SPEF2: variants seen among roughly 807,000 people sequenced by gnomAD.
SPEF2 encodes sperm flagellar and cilia associated 2, also known as sperm flagella and cilia-associated protein 2.
Under a neutral mutation model 224.6 loss-of-function variants are expected in SPEF2, and 187 were observed. That is an observed-to-expected ratio of 0.83 (90% CI 0.74 to 0.94). SPEF2 has a LOEUF of 0.94. SPEF2 is among the 40% of genes least tolerant of loss of function. The pLI, the probability that SPEF2 is intolerant of heterozygous loss-of-function variation, is 0.00. For missense variants in SPEF2, 2,170 were observed against 2,135.6 expected (o/e 1.02, Z -0.32); for synonymous variants, 715 against 707.3 (o/e 1.01, Z -0.17).
chr5:35,712,725 G>A, intron 19 of SPEF2, 87 bp from the exon 20 acceptor site: 1 of 1,313,920 alleles, frequency 7.6e-7, no homozygotes, highest in South Asian at 1.3e-5. Context: ...TTTACCTATG[G>A]GAAATAGCAT....
intron 30 of SPEF2, chr5:35,789,393 T>C: frequency 1.4e-6 from 1 of 702,400 alleles, no homozygotes; most frequent in Non-Finnish European, 2.6e-6. Flanking sequence ...GTTGGGATGA[T>C]CTGAGGTCTG....
At chr5:35,780,114 C>T in intron 30 of SPEF2, among the ~76,000 whole-genome samples, 1 of 152,156 alleles carries the variant, frequency 6.6e-6, no homozygotes, top group East Asian at 1.9e-4. Flanking sequence ...CTCTGCAGAT[C>T]CAAAGTTCTT....
chr5:35,631,937 C>T (rs1298425638), intron 2 of SPEF2, among the ~76,000 whole-genome samples: 4 of 152,132 alleles, frequency 2.6e-5, no homozygotes, highest in African/African-American at 7.2e-5. Context: ...AGATTATATG[C>T]AAATACTATA....
chr5:35,707,816 T>G (rs1385923795), intron 18 of SPEF2, among the ~76,000 whole-genome samples: 5 of 152,178 alleles, frequency 3.3e-5, no homozygotes, highest in African/African-American at 1.2e-4. Flanking sequence ...CTCCCTGGCT[T>G]GCTTCATGTC....
chr5:35,671,187 T>A (rs1257468864), intron 10 of SPEF2: 1 of 985,136 alleles, frequency 1.0e-6, no homozygotes, highest in Non-Finnish European at 1.2e-6. Flanking sequence ...TAGTACATAC[T>A]CAACAAAGGT....
At chr5:35,672,785 T>C (rs1268095913) in intron 10 of SPEF2, among the ~76,000 whole-genome samples, 1 of 152,190 alleles carries the variant, frequency 6.6e-6, no homozygotes, top group Non-Finnish European at 1.5e-5. Flanking sequence ...CATACTTAAT[T>C]GATGTCCATA....
intron 10 of SPEF2, among the ~76,000 whole-genome samples, chr5:35,673,955 C>G (rs1751536773): frequency 6.6e-6 from 1 of 152,122 alleles, no homozygotes; most frequent in African/African-American, 2.4e-5. Context: ...AAATATGGGA[C>G]TAAATGAGCC....
chr5:35,730,447 T>C (rs1745459733), intron 21 of SPEF2, among the ~76,000 whole-genome samples: 2 of 152,234 alleles, frequency 1.3e-5, no homozygotes, highest in South Asian at 4.1e-4. Context: ...TCCCTGAAAC[T>C]GGGCCCAGGG....
intron 4 of SPEF2, among the ~76,000 whole-genome samples, chr5:35,645,092 A>C (rs893857647): frequency 1.3e-5 from 2 of 152,078 alleles, no homozygotes; most frequent in African/African-American, 4.8e-5. Context: ...CTCTTTAATG[A>C]TCTTCTGTGC....
intron 30 of SPEF2, chr5:35,788,809 C>A: frequency 1.4e-6 from 1 of 702,928 alleles, no homozygotes; most frequent in Non-Finnish European, 2.6e-6. Flanking sequence ...TGTTCCAGAA[C>A]ATTCCTCTGT....
intron 19 of SPEF2, chr5:35,709,438 T>G (rs1269714237): frequency 1.8e-6 from 2 of 1,090,610 alleles, no homozygotes; most frequent in Admixed American, 4.9e-5. Flanking sequence ...AGGATACACG[T>G]CTGTGTGCTG....
chr5:35,643,221 T>G (rs1746853612), intron 3 of SPEF2, among the ~76,000 whole-genome samples: 1 of 152,188 alleles, frequency 6.6e-6, no homozygotes, highest in Admixed American at 6.5e-5. Context: ...ACTTCAAGCG[T>G]CAATAATTCA....
chr5:35,738,647 C>T (rs534827170), intron 21 of SPEF2, among the ~76,000 whole-genome samples: 2 of 151,090 alleles, frequency 1.3e-5, no homozygotes, highest in East Asian at 2.0e-4. Flanking sequence ...TGACATCCAT[C>T]TAGGGGAAAG....
At chr5:35,660,438 TTTGCCA>T (rs1163222078) in intron 8 of SPEF2, among the ~76,000 whole-genome samples, 1 of 152,216 alleles carries the variant, frequency 6.6e-6, no homozygotes, top group Non-Finnish European at 1.5e-5. Flanking sequence ...TAATGTAACT[TTTGCCA>T]AAATTATGCA....
intron 23 of SPEF2, 29 bp from the exon 24 acceptor site, chr5:35,753,595 T>G (rs1750011797): frequency 6.2e-7 from 1 of 1,613,204 alleles, no homozygotes; most frequent in Non-Finnish European, 8.5e-7. Context: ...ATCTAAAGCA[T>G]AGCCACCATG....
chr5:35,694,204 C>T (rs2149541009), intron 12 of SPEF2, 84 bp from the exon 13 acceptor site: 4 of 1,022,010 alleles, frequency 3.9e-6, no homozygotes, highest in South Asian at 1.5e-5. Flanking sequence ...GTTCTCAAAC[C>T]TTTACTTATA....
chr5:35,692,540 C>T, intron 11 of SPEF2, 30 bp from the exon 12 acceptor site: 2 of 1,517,354 alleles, frequency 1.3e-6, no homozygotes, highest in South Asian at 1.3e-5. Context: ...AAATGAAAAG[C>T]TATTTATAAA....
intron 28 of SPEF2, among the ~76,000 whole-genome samples, chr5:35,775,248 G>C (rs1753443005): frequency 7.1e-6 from 1 of 141,458 alleles, no homozygotes; most frequent in African/African-American, 2.6e-5. Flanking sequence ...AACATAGTGA[G>C]ATCCTGTCTC....
intron 2 of SPEF2, among the ~76,000 whole-genome samples, chr5:35,634,364 CTGTT>C (rs1484431845): frequency 1.3e-5 from 2 of 152,106 alleles, no homozygotes; most frequent in African/African-American, 4.8e-5. Context: ...AAGAAGTCAG[CTGTT>C]TATTTTATAG....
Sources: allele counts gnomAD v4.1 joint callset (sites outside exome capture counted in the v4.1 genomes callset), GRCh38; gene constraint gnomAD v4.1.1; transcripts MANE v1.5; gene names NCBI Gene and HGNC (gene_info 2026-07-23, HGNC 2026-07-21).